The following CATSPERB variants were observed in gnomAD, a reference collection of about 807,000 sequenced individuals.
CATSPERB encodes catsper channel auxiliary subunit beta.
A neutral mutation model predicts 128.3 loss-of-function variants in CATSPERB; 93 were observed. The observed-to-expected ratio is 0.72, with a 90% confidence interval of 0.61 to 0.86. The LOEUF (loss-of-function observed/expected upper bound fraction) is 0.86. Among genes scored for constraint, CATSPERB ranks in the 40% least tolerant of loss-of-function variants. The probability of loss-of-function intolerance (pLI) is 0.00; values close to 1 mark genes in which losing one functional copy is unlikely to be tolerated. For missense variants in CATSPERB, 1,153 were observed against 1,329.5 expected (o/e 0.87, Z 2.06); for synonymous variants, 381 against 448.8 (o/e 0.85, Z 1.91).
At chr14:91,604,715 T>C (rs1893668003) in intron 22 of CATSPERB, 2 of 1,613,634 alleles carry the variant, frequency 1.2e-6, no homozygotes, top group South Asian at 1.1e-5. Context: ...GGTTGAATTG[T>C]TCCAGGTCTG....
chr14:91,698,392 G>T (rs1024696347), intron 7 of CATSPERB, among the ~76,000 whole-genome samples: 11 of 152,218 alleles, frequency 7.2e-5, no homozygotes, highest in Admixed American at 6.5e-4. Context: ...GTTTCTTCCT[G>T]TTGCCTGATT....
intron 22 of CATSPERB, chr14:91,592,254 G>A (rs1893422426): frequency 2.2e-6 from 1 of 461,610 alleles, no homozygotes; most frequent in African/African-American, 2.0e-5. Context: ...AGTTGCATGG[G>A]ACCTAGAAAG....
intron 15 of CATSPERB, among the ~76,000 whole-genome samples, chr14:91,641,214 T>C (rs948398280): frequency 4.2e-4 from 64 of 150,628 alleles, no homozygotes; most frequent in African/African-American, 1.5e-3. Flanking sequence ...GTAGTTTCTT[T>C]TGCTGTGCAG....
At chr14:91,665,787 T>C (rs559858178) in intron 14 of CATSPERB, among the ~76,000 whole-genome samples, 2 of 152,200 alleles carry the variant, frequency 1.3e-5, no homozygotes, top group South Asian at 4.2e-4. Context: ...GGAGAATCAC[T>C]TGAACCCGGG....
At chr14:91,629,207 A>G (rs1452968619) in intron 17 of CATSPERB, among the ~76,000 whole-genome samples, 1 of 152,236 alleles carries the variant, frequency 6.6e-6, no homozygotes, top group Non-Finnish European at 1.5e-5. Context: ...GAAATGAGCT[A>G]TCAAGCCATG....
intron 15 of CATSPERB, among the ~76,000 whole-genome samples, chr14:91,640,296 A>G (rs1358782245): frequency 6.6e-6 from 1 of 150,558 alleles, no homozygotes; most frequent in Non-Finnish European, 1.5e-5. Context: ...CACATTGTGC[A>G]GGTTAGATAC....
Position 91,610,644 on chromosome 14 carries a change from C to A in CATSPERB, c.2434G>T (p.Ala812Ser). ...STSLAFIMWS[A>S]STECFVTTMV... ...GTCGTAACAAAGCACTCAGTAGAGG[C>A]TGACCACATAATAAATGCCAGTGAA... is the stretch of plus-strand genomic sequence containing the variant. Residue 812 changes from alanine to serine, a missense_variant, in exon 21 of 27, where the codon GCC (alanine) becomes TCC (serine). Physicochemically the swap from Ala to Ser is moderately conservative, Grantham distance 99. Transcript: ENST00000256343. The A allele has an allele frequency of 6.2e-7, 1 of 1,614,086 alleles. No individual in the cohort carries two copies. The highest frequency in any genetic ancestry group is 8.5e-7 in the Non-Finnish European group (1 of 1,180,014).
At chr14:91,707,056 A>G (rs1895743400) in intron 6 of CATSPERB, among the ~76,000 whole-genome samples, 1 of 152,240 alleles carries the variant, frequency 6.6e-6, no homozygotes, top group Non-Finnish European at 1.5e-5. Context: ...ATCAGAATTT[A>G]TTAGTTCTCT....
chr14:91,646,026 T>A (rs1364248755), intron 15 of CATSPERB: 1 of 152,528 alleles, frequency 6.6e-6, no homozygotes, highest in Non-Finnish European at 1.5e-5. Context: ...CCTGACCCCT[T>A]GCGCTTCCCA....
intron 22 of CATSPERB, among the ~76,000 whole-genome samples, chr14:91,594,100 G>A (rs1479148710): frequency 6.6e-6 from 1 of 152,132 alleles, no homozygotes; most frequent in Non-Finnish European, 1.5e-5. Context: ...GCGATAGACT[G>A]GATTAAGAAA....
chr14:91,672,131 C>T (rs1895106508), intron 13 of CATSPERB, among the ~76,000 whole-genome samples: 1 of 152,148 alleles, frequency 6.6e-6, no homozygotes, highest in African/African-American at 2.4e-5. Context: ...TGTAAATAAA[C>T]TGTTTTCTCC....
intron 5 of CATSPERB, among the ~76,000 whole-genome samples, chr14:91,717,890 C>T (rs1566739987): frequency 1.3e-5 from 2 of 152,312 alleles, no homozygotes; most frequent in East Asian, 3.9e-4. Flanking sequence ...AAACCATCCC[C>T]TCCTATTACA....
chr14:91,617,407 G>T (rs1448295669), intron 20 of CATSPERB, among the ~76,000 whole-genome samples, 190 bp downstream of exon 20: 1 of 152,006 alleles, frequency 6.6e-6, no homozygotes, highest in Non-Finnish European at 1.5e-5. Context: ...ATATTATGTA[G>T]GACATAGATC....
intron 15 of CATSPERB, among the ~76,000 whole-genome samples, chr14:91,639,792 C>G (rs1446744483): frequency 6.6e-6 from 1 of 152,130 alleles, no homozygotes; most frequent in Non-Finnish European, 1.5e-5. Context: ...ACAGGGTCCC[C>G]TCCCTTGGAA....
chr14:91,730,808 T>C (rs1339878994), intron 1 of CATSPERB, among the ~76,000 whole-genome samples: 2 of 152,232 alleles, frequency 1.3e-5, no homozygotes, highest in African/African-American at 4.8e-5. Context: ...ATTAAATACA[T>C]TTAATTGACA....
At chr14:91,585,584 T>C (rs1311376894) in intron 26 of CATSPERB, among the ~76,000 whole-genome samples, 3 of 152,214 alleles carry the variant, frequency 2.0e-5, no homozygotes, top group African/African-American at 4.8e-5. Context: ...CTGCTTATAA[T>C]TGATCATTTT....
intron 7 of CATSPERB, among the ~76,000 whole-genome samples, chr14:91,704,164 C>G (rs983047381): frequency 1.3e-5 from 2 of 152,042 alleles, no homozygotes; most frequent in Non-Finnish European, 2.9e-5. Context: ...TATAGATGCT[C>G]TCAGATATTA....
intron 7 of CATSPERB, among the ~76,000 whole-genome samples, chr14:91,701,748 T>C (rs1164533126): frequency 6.6e-6 from 1 of 151,952 alleles, no homozygotes; most frequent in East Asian, 1.9e-4. Flanking sequence ...AAACAAGGCC[T>C]CGCAAAGGAA....
At chr14:91,719,347 A>C (rs964825029) in intron 5 of CATSPERB, 71 bp downstream of exon 5, 3 of 1,111,312 alleles carry the variant, frequency 2.7e-6, no homozygotes, top group Non-Finnish European at 3.9e-6. Context: ...TAAGATAATA[A>C]ATTCTTTTTG....
Sources: allele counts gnomAD v4.1 joint callset (sites outside exome capture counted in the v4.1 genomes callset), GRCh38; gene constraint gnomAD v4.1.1; transcripts MANE v1.5; gene names NCBI Gene and HGNC (gene_info 2026-07-23, HGNC 2026-07-21).